Variants in FAM135A observed in about 807,000 individuals in gnomAD.
FAM135A encodes family with sequence similarity 135 member A.
In FAM135A, 79 loss-of-function variants were observed where a neutral mutation model predicts 146.8. The observed-to-expected ratio is 0.54, with a 90% CI of 0.45 to 0.65. The LOEUF is 0.65. Among genes scored for constraint, FAM135A ranks in the 30% least tolerant of loss-of-function variants. The pLI is 0.00. For synonymous variants in FAM135A, 562 were observed against 603.6 expected (o/e 0.93, Z 1.01); for missense variants, 1,623 against 1,758.2 (o/e 0.92, Z 1.38).
chr6:70,449,935 T>C (rs1776667322), intron 4 of FAM135A, among the ~76,000 whole-genome samples: 1 of 152,198 alleles, frequency 6.6e-6, no homozygotes, highest in Admixed American at 6.5e-5. Context: ...CTTTTCCGTT[T>C]TCTTTTTGAT....
intron 5 of FAM135A, 128 bp from the exon 6 acceptor site, chr6:70,475,282 C>A: frequency 1.5e-6 from 1 of 670,124 alleles, no homozygotes; most frequent in Non-Finnish European, 2.3e-6. Flanking sequence ...TGTTCCAATA[C>A]TGCAGTATAA....
chr6:70,417,283 C>G (rs2127681019), intron 2 of FAM135A, among the ~76,000 whole-genome samples: 1 of 147,366 alleles, frequency 6.8e-6, no homozygotes, highest in Non-Finnish European at 1.5e-5. Flanking sequence ...TTGACAGAGT[C>G]CCACTGTATT....
rs534154739 is a variant in FAM135A at position 70,561,155 on chromosome 6, A to C, written c.*1234A>C. ...GGTGTTAATAAATGAACAAATGGCT[A>C]TCTGGAGGAACAGCTACAACCCTTG... On this transcript the variant is annotated 3_prime_UTR_variant, in exon 22 of 22. Coordinates refer to ENST00000418814, the MANE Select transcript of FAM135A (RefSeq NM_001162529.3). 3 of 152,470 alleles carry C rather than the reference A, an allele frequency of 2.0e-5. No homozygotes were observed. The highest frequency in any genetic ancestry group is 7.2e-5 in the African/African-American group (3 of 41,568). 9.4% of individuals were successfully genotyped at this position (152,470 alleles called of 1,614,324 possible). A position where few individuals can be genotyped will look rare whatever the true frequency, so the allele number is the denominator to read the frequency against.
At position 70,460,073 on chromosome 6, in the gene FAM135A, A is replaced by G. The variant is rs1420936845; in HGVS notation, c.157+7502A>G. On this transcript the variant is annotated intron_variant, in intron 5 of 21. Coordinates refer to ENST00000418814, the MANE Select transcript of FAM135A (RefSeq NM_001162529.3). The stretch of plus-strand genomic sequence containing the variant: ...GAATTAGCCCAGAAAGACTTGTAGT[A>G]AAAACTATAGCTTGTTTTCTAGATG... Among the ~76,000 whole-genome samples the G allele has an allele frequency of 2.0e-5, 3 of 152,322 alleles. No homozygotes were observed. The East Asian group carries it at 5.8e-4, about 29-fold the overall frequency.
At position 70,477,180 on chromosome 6, in the gene FAM135A, G is replaced by A. The variant is rs1782784605; in HGVS notation, c.390G>A (p.Leu130=). The A allele has an allele frequency of 1.2e-6, 2 of 1,613,292 alleles. No homozygotes were observed. Among genetic ancestry groups the A allele is most frequent in the Non-Finnish European group, 1.7e-6 (2 of 1,179,598 alleles). The change falls in exon 8 of 22, where the codon TTG becomes TTA. Residue 130 remains leucine, a synonymous_variant. Transcript: ENST00000418814. ...ACAGGGCAGATGATCTGAATGCCTT[G>A]CAACTAATAAGTAGCCGAACATTGA... is the stretch of plus-strand genomic sequence containing the variant. ...GDYSADDLNA[L]QLISSRTLKL...
intron 5 of FAM135A, among the ~76,000 whole-genome samples, chr6:70,464,190 G>T (rs1019602697): frequency 2.0e-5 from 3 of 152,166 alleles, no homozygotes; most frequent in African/African-American, 7.2e-5. Flanking sequence ...GATAGTGATA[G>T]AAATAAAATA....
At chr6:70,556,157 G>A (rs1002928101) in intron 20 of FAM135A, among the ~76,000 whole-genome samples, 25 of 152,216 alleles carry the variant, frequency 1.6e-4, no homozygotes, top group Admixed American at 1.2e-3. Context: ...GCTGAGGCAC[G>A]AGAATCACTT....
chr6:70,430,898 A>G (rs902814025), intron 4 of FAM135A, among the ~76,000 whole-genome samples: 1 of 152,162 alleles, frequency 6.6e-6, no homozygotes, highest in Non-Finnish European at 1.5e-5. Flanking sequence ...GCAGAACCTT[A>G]TACTTAGCTA....
At chr6:70,424,655 G>A (rs1459228426) in intron 2 of FAM135A, among the ~76,000 whole-genome samples, 1 of 152,218 alleles carries the variant, frequency 6.6e-6, no homozygotes, top group African/African-American at 2.4e-5. Context: ...GGTATTGGCT[G>A]CAAGGCCCCA....
intron 12 of FAM135A, among the ~76,000 whole-genome samples, chr6:70,509,717 A>G (rs1319805541): frequency 1.3e-5 from 2 of 152,180 alleles, no homozygotes; most frequent in East Asian, 3.8e-4. Flanking sequence ...TTTATAAAAG[A>G]AATATTGAGG....
intron 11 of FAM135A, 65 bp from the exon 12 acceptor site, chr6:70,502,571 A>G (rs1254960122): frequency 3.3e-6 from 5 of 1,505,702 alleles, no homozygotes; most frequent in African/African-American, 2.8e-5. Flanking sequence ...TCTCAATAAC[A>G]TTATATTTAA....
At chr6:70,471,699 C>A (rs112560382) in intron 5 of FAM135A, among the ~76,000 whole-genome samples, 3,828 of 152,084 alleles carry the variant, frequency 0.025, 165 homozygotes, top group African/African-American at 0.088. Context: ...ACCTGCACAT[C>A]CTGCACATGT....
intron 11 of FAM135A, among the ~76,000 whole-genome samples, chr6:70,492,471 A>G (rs1786224968): frequency 6.6e-6 from 1 of 151,846 alleles, no homozygotes; most frequent in African/African-American, 2.4e-5. Context: ...TTAAAGACCA[A>G]TAAAAACCTA....
At chr6:70,491,399 G>A (rs1254051418) in intron 11 of FAM135A, among the ~76,000 whole-genome samples, 1 of 151,824 alleles carries the variant, frequency 6.6e-6, no homozygotes, top group Non-Finnish European at 1.5e-5. Flanking sequence ...ACTTAAACTT[G>A]TAAAATGATA....
chr6:70,447,685 C>T (rs935188268), intron 4 of FAM135A, among the ~76,000 whole-genome samples: 2 of 152,214 alleles, frequency 1.3e-5, no homozygotes, highest in African/African-American at 4.8e-5. Context: ...TTCCCGAAAT[C>T]GGGTTCCCAT....
chr6:70,560,045 AATT>A lies in FAM135A; in HGVS notation c.*125_*127del. 1.4e-6 allele frequency: 1 copy of A among 734,650 alleles called. No individual in the cohort carries two copies. The highest frequency in any genetic ancestry group is 2.1e-6 in the Non-Finnish European group (1 of 473,722). The allele number at this position is 734,650 out of a possible 1,614,324, so 45.5% of individuals were successfully genotyped here. ...ATTTATACCTTTTTATATGGAAGAT[AATT>A]TATATCATCCATGTTTAGTGCTTTT... On this transcript the variant is annotated 3_prime_UTR_variant, in exon 22 of 22. Transcript: ENST00000418814.
intron 4 of FAM135A, among the ~76,000 whole-genome samples, chr6:70,447,481 A>G (rs1008152913): frequency 4.6e-5 from 7 of 152,220 alleles, no homozygotes; most frequent in Non-Finnish European, 1.0e-4. Context: ...CCCGCTGGCA[A>G]GGGTCCACAG....
At chr6:70,416,946 T>A (rs1382383972) in intron 2 of FAM135A, among the ~76,000 whole-genome samples, 2 of 152,220 alleles carry the variant, frequency 1.3e-5, no homozygotes, top group African/African-American at 4.8e-5. Flanking sequence ...GATTGGCAGT[T>A]GTTAACAGGT....
At chr6:70,430,558 T>A (rs564698784) in intron 4 of FAM135A, among the ~76,000 whole-genome samples, 1 of 152,320 alleles carries the variant, frequency 6.6e-6, no homozygotes, top group South Asian at 2.1e-4. Context: ...CACAGTTGTT[T>A]TTGAGACATG....
Sources: gnomAD v4.1 joint callset for allele counts (sites outside exome capture counted in the v4.1 genomes callset) on GRCh38, gnomAD v4.1.1 for gene constraint, MANE v1.5 for transcripts, NCBI Gene and HGNC (gene_info 2026-07-23, HGNC 2026-07-21) for gene names.